The following TRIML1 variants were observed in gnomAD, a reference collection of about 807,000 sequenced individuals.
TRIML1 encodes the protein probable E3 ubiquitin-protein ligase TRIML1.
Under a neutral mutation model 32.3 loss-of-function variants are expected in TRIML1, and 34 were observed. The observed-to-expected ratio is 1.05, with a 90% CI of 0.80 to 1.40. The LOEUF is 1.40. TRIML1 is among the 40% of genes most tolerant of loss of function. The pLI is 0.00. For missense variants in TRIML1, 595 were observed against 574.9 expected, an observed-to-expected ratio of 1.03 and a Z score of -0.36; for synonymous variants, 244 against 226.6, an observed-to-expected ratio of 1.08 and a Z score of -0.69.
chr4:188,139,457 A>C lies in TRIML1; in HGVS notation c.-102A>C. 4.2e-6 allele frequency: 5 copies of C among 1,193,088 alleles called. No homozygotes were observed. The highest frequency in any genetic ancestry group is 5.9e-6 in the Non-Finnish European group (5 of 849,370). 73.9% of individuals were successfully genotyped at this position (1,193,088 alleles called of 1,614,324 possible). A position where few individuals can be genotyped will look rare whatever the true frequency, so the allele number is the denominator to read the frequency against. ...GGGTTTCTTGTCATAACAACATAGG[A>C]ACAGGTCACCCGCGTGTTACTCAAA... On this transcript the variant is annotated 5_prime_UTR_variant, in exon 1 of 6. Coordinates refer to ENST00000332517, the MANE Select transcript of TRIML1 (RefSeq NM_178556.5).
chr4:188,142,197 AACTT>A, intron 2 of TRIML1, 51 bp from the exon 3 acceptor site: 1 of 1,242,120 alleles, frequency 8.1e-7, no homozygotes, highest in Non-Finnish European at 1.1e-6. Context: ...TTCTCTTACT[AACTT>A]TATCTCGTGT....
At position 188,147,171 on chromosome 4, in the gene TRIML1, G is replaced by A. The variant is rs376744139; in HGVS notation, c.1206G>A (p.Glu402=). 38 of 1,613,960 alleles carry A rather than the reference G, an allele frequency of 2.4e-5. No homozygotes were observed. Among genetic ancestry groups the A allele is most frequent in the Non-Finnish European group, 2.7e-5 (32 of 1,180,026 alleles). The change falls in exon 6 of 6, where the codon GAG becomes GAA. Residue 402 remains glutamate, a synonymous_variant. Transcript: ENST00000332517. ...SSPLKGQHVR[E]PVCKVGVFLD... The stretch of plus-strand genomic sequence containing the variant: ...CTTTGAAAGGTCAGCACGTCAGAGA[G>A]CCTGTGTGTAAGGTTGGTGTCTTCC...
rs113633867 is a variant in TRIML1 at position 188,140,725 on chromosome 4, A to C, written c.504+102A>C. On this transcript the variant is annotated intron_variant, in intron 2 of 5. Coordinates refer to ENST00000332517, the MANE Select transcript of TRIML1 (RefSeq NM_178556.5). ...GGAAAAAAAAAAGACAAATTTTTCC[A>C]GTCTCACCTCTAAAATATGCAGTTT... The C allele has an allele frequency of 7.6e-5, 65 of 856,788 alleles. No homozygotes were observed. The African/African-American group carries it at 8.1e-4, about 11-fold the overall frequency. The allele number at this position is 856,788 out of a possible 1,614,324, so 53.1% of individuals were successfully genotyped here.
intron 5 of TRIML1, among the ~76,000 whole-genome samples, chr4:188,144,364 T>G (rs554829650): frequency 9.6e-4 from 15 of 15,590 alleles, no homozygotes; most frequent in East Asian, 6.6e-3. Flanking sequence ...CTAAAGGGTC[T>G]TTTTTTTTTT....
In TRIML1 at chr4:188,139,645, C is replaced by A; in HGVS notation, c.87C>A (p.Thr29=). 6.2e-7 allele frequency: 1 copy of A among 1,614,050 alleles called. No homozygotes were observed. Among genetic ancestry groups the A allele is most frequent in the Non-Finnish European group, 8.5e-7 (1 of 1,179,962 alleles). The part of the protein sequence containing the change: ...CLDYFSSPVT[T]ECGHSFCLVC... Reference sequence around the variant, plus strand: ...ACTATTTCAGCAGCCCAGTGACCACCGAGTGTGGGCACAGCTTTTGTCTGG... The same window carrying A: ...ACTATTTCAGCAGCCCAGTGACCACAGAGTGTGGGCACAGCTTTTGTCTGG... Residue 29 remains threonine (T), a synonymous_variant, in exon 1 of 6, where the codon ACC becomes ACA. Transcript: ENST00000332517.
intron 5 of TRIML1, among the ~76,000 whole-genome samples, chr4:188,144,436 C>T (rs1443825490): frequency 6.7e-6 from 1 of 149,806 alleles, no homozygotes; most frequent in Non-Finnish European, 1.5e-5. Context: ...GATCTCGGCT[C>T]ACTGCAAGCT....
Position 188,147,269 on chromosome 4 carries a change from C to T in TRIML1, c.1304C>T (p.Ala435Val), listed in dbSNP as rs772831440. The T allele has an allele frequency of 6.3e-7, 1 of 1,584,548 alleles. No individual in the cohort carries two copies. Among genetic ancestry groups the T allele is most frequent in the Non-Finnish European group, 8.6e-7 (1 of 1,165,436 alleles). Residue 435 changes from alanine (A) to valine (V), a missense_variant, in exon 6 of 6, where the codon GCT becomes GTT. Coordinates refer to ENST00000332517, the MANE Select transcript of TRIML1 (RefSeq NM_178556.5). Reference protein sequence around the residue: ...DESLIYSFPQASFQEALRPIF... With the variant: ...DESLIYSFPQVSFQEALRPIF... ...TCCCTCATCTACAGCTTCCCGCAGG[C>T]TTCTTTCCAAGAGGCCCTCAGGCCT...
chr4:188,137,534 A>C (rs918398758), upstream of TRIML1, among the ~76,000 whole-genome samples: 2 of 144,878 alleles, frequency 1.4e-5, no homozygotes, highest in Non-Finnish European at 3.0e-5. Context: ...CTGGAGTGCA[A>C]TGGCGTGATC....
chr4:188,150,627 A>G (rs1216030411), downstream of TRIML1, among the ~76,000 whole-genome samples: 3 of 152,070 alleles, frequency 2.0e-5, no homozygotes, highest in African/African-American at 7.2e-5. Flanking sequence ...AGCATAATCC[A>G]GTGATACATC....
Position 188,144,109 on chromosome 4 carries a change from A to G in TRIML1, c.832A>G (p.Lys278Glu). Residue 278 changes from lysine (K) to glutamate (E), a missense_variant, in exon 5 of 6, where the codon AAG becomes GAG. Physicochemically the swap from Lys to Glu is moderately conservative, Grantham distance 56. Transcript: ENST00000332517. ...ELSLCRITGM[K>E]EMLRKFSTEI... is the part of the protein sequence containing the mutation. Reference sequence around the variant, plus strand: ...GAGTCTGTGCCGCATCACGGGAATGAAGGAGATGCTAAGAAAATTCAGCAG... The same window carrying G: ...GAGTCTGTGCCGCATCACGGGAATGGAGGAGATGCTAAGAAAATTCAGCAG... 1 of 1,613,992 alleles carries G rather than the reference A, an allele frequency of 6.2e-7. No homozygotes were observed. The highest frequency in any genetic ancestry group is 8.5e-7 in the Non-Finnish European group (1 of 1,179,980).
At chr4:188,141,230 C>T (rs111927116) in intron 2 of TRIML1, among the ~76,000 whole-genome samples, 19,513 of 141,642 alleles carry the variant, frequency 0.14, 1,737 homozygotes, top group Middle Eastern at 0.26. Context: ...TGCAGTGGCG[C>T]GATCCCGGCT....
At position 188,145,372 on chromosome 4, in the gene TRIML1, G is replaced by A. The variant is rs1275803370; in HGVS notation, c.856+1239G>A. 2.7e-5 allele frequency among the ~76,000 whole-genome samples: 4 copies of A among 146,354 alleles called. 1 individual carries two copies. In the East Asian group the frequency reaches 8.6e-4, roughly 31 times the overall value. On this transcript the variant is annotated intron_variant, in intron 5 of 5. Coordinates refer to ENST00000332517, the MANE Select transcript of TRIML1 (RefSeq NM_178556.5). ...CAGGAGAATCACTTGAACCCAGGAG[G>A]TGGAGGTTGCAGTGAGCAGAGATGG...
chr4:188,145,562 C>G (rs1467774851), intron 5 of TRIML1, among the ~76,000 whole-genome samples: 2 of 150,378 alleles, frequency 1.3e-5, no homozygotes, highest in Admixed American at 1.3e-4. Flanking sequence ...GTGGCTCATG[C>G]CTGTAATCCC....
At chr4:188,142,656 G>T (rs1177172258) in intron 3 of TRIML1, among the ~76,000 whole-genome samples, 174 bp downstream of exon 3, 1 of 146,064 alleles carries the variant, frequency 6.8e-6, no homozygotes, top group Non-Finnish European at 1.5e-5. Context: ...AAGAGAGAGA[G>T]AGAGAAAAAA....
downstream of TRIML1, among the ~76,000 whole-genome samples, chr4:188,150,537 C>T (rs1025946384): frequency 2.6e-5 from 4 of 152,092 alleles, no homozygotes; most frequent in African/African-American, 9.7e-5. Flanking sequence ...TTCTCAATTA[C>T]CAAAAATCCC....
chr4:188,146,224 C>CAGCTCGG (rs1735075312), intron 5 of TRIML1, among the ~76,000 whole-genome samples: 3 of 152,182 alleles, frequency 2.0e-5, no homozygotes, highest in Non-Finnish European at 4.4e-5. Flanking sequence ...TGTGGACGCA[C>CAGCTCGG]AGCTCGGAGC....
intron 3 of TRIML1, 106 bp downstream of exon 3, chr4:188,142,588 G>A: frequency 1.1e-6 from 1 of 871,666 alleles, no homozygotes. Context: ...ACTAAGTTCT[G>A]GTCCAAAAGT....
Position 188,143,843 on chromosome 4 carries a change from G to C in TRIML1, c.741G>C (p.Val247=), listed in dbSNP as rs1302167661. The part of the protein sequence containing the change: ...QSSAFESLEE[V]RGALERSEPL... Reference sequence around the variant, plus strand: ...TCTTTCTTTTTTACCCGTAGGAAGTGAGAGGAGCCCTGGAAAGGTAGGCTT... The same window carrying C: ...TCTTTCTTTTTTACCCGTAGGAAGTCAGAGGAGCCCTGGAAAGGTAGGCTT... The change falls in exon 4 of 6, where the codon GTG becomes GTC. Residue 247 remains valine (V), a synonymous_variant. Transcript: ENST00000332517. 6.2e-7 allele frequency: 1 copy of C among 1,614,178 alleles called. No individual in the cohort carries two copies. The highest frequency in any genetic ancestry group is 1.7e-5 in the Admixed American group (1 of 60,026).
chr4:188,150,538 C>A (rs1735226193), downstream of TRIML1, among the ~76,000 whole-genome samples: 1 of 152,068 alleles, frequency 6.6e-6, no homozygotes, highest in Non-Finnish European at 1.5e-5. Context: ...TCTCAATTAC[C>A]AAAAATCCCA....
Sources: allele counts gnomAD v4.1 joint callset (sites outside exome capture counted in the v4.1 genomes callset), GRCh38; gene constraint gnomAD v4.1.1; transcripts MANE v1.5; gene names NCBI Gene and HGNC (gene_info 2026-07-23, HGNC 2026-07-21).